Variants in ZNF804B observed in about 807,000 individuals in gnomAD.
ZNF804B encodes the protein zinc finger protein 804B.
In ZNF804B, 80 loss-of-function variants were observed where a neutral mutation model predicts 101.4. The observed-to-expected ratio is 0.79, with a 90% CI of 0.66 to 0.95. The LOEUF (loss-of-function observed/expected upper bound fraction) is 0.95. Ranked by LOEUF, ZNF804B falls within the 40% of genes least tolerant of loss-of-function variation. The pLI is 0.00. For synonymous variants in ZNF804B, 622 were observed against 558.8 expected (o/e 1.11, Z -1.59); for missense variants, 1,673 against 1,561.9 (o/e 1.07, Z -1.20).
intron 1 of ZNF804B, among the ~76,000 whole-genome samples, chr7:89,093,454 G>C (rs1562882852): frequency 6.6e-6 from 1 of 152,106 alleles, no homozygotes; most frequent in Admixed American, 6.5e-5. Context: ...ACTTCTAAAG[G>C]AGTTTTAAAA....
chr7:89,274,163 C>CTT (rs374562732), intron 2 of ZNF804B, among the ~76,000 whole-genome samples: 14 of 141,028 alleles, frequency 9.9e-5, no homozygotes, highest in Admixed American at 4.2e-4. Context: ...TTTTCTTTTT[C>CTT]TTTTTTTTTA....
At chr7:89,167,085 T>C (rs1263870403) in intron 1 of ZNF804B, among the ~76,000 whole-genome samples, 1 of 152,108 alleles carries the variant, frequency 6.6e-6, no homozygotes, top group Non-Finnish European at 1.5e-5. Flanking sequence ...CATACCTTTT[T>C]CCTTTTTATA....
intron 1 of ZNF804B, among the ~76,000 whole-genome samples, chr7:88,824,047 G>T (rs943216802): frequency 4.6e-5 from 7 of 152,158 alleles, no homozygotes; most frequent in African/African-American, 1.7e-4. Context: ...ACAATAGCCT[G>T]TGTCCTCTGG....
intron 1 of ZNF804B, among the ~76,000 whole-genome samples, chr7:89,144,550 G>C (rs1392654024): frequency 3.9e-5 from 6 of 151,916 alleles, no homozygotes; most frequent in Admixed American, 3.9e-4. Context: ...GGGGAAGGGT[G>C]ATGGACAAGG....
chr7:89,219,988 TGC>T (rs1788965214), intron 2 of ZNF804B, among the ~76,000 whole-genome samples: 1 of 145,806 alleles, frequency 6.9e-6, no homozygotes, highest in Non-Finnish European at 1.5e-5. Context: ...TACATATGTG[TGC>T]ATATATGTAT....
At chr7:89,124,689 ATGT>A (rs753519253) in intron 1 of ZNF804B, among the ~76,000 whole-genome samples, 4 of 152,292 alleles carry the variant, frequency 2.6e-5, no homozygotes, top group Admixed American at 2.6e-4. Context: ...GATTTTTGCA[ATGT>A]TGTCTGCAGG....
At chr7:88,981,979 A>G (rs1793699739) in intron 1 of ZNF804B, among the ~76,000 whole-genome samples, 1 of 151,898 alleles carries the variant, frequency 6.6e-6, no homozygotes, top group African/African-American at 2.4e-5. Flanking sequence ...ATTCTTATAA[A>G]GGAGCTTTCT....
chr7:88,795,270 CT>C (rs1322557313), intron 1 of ZNF804B, among the ~76,000 whole-genome samples: 2 of 151,896 alleles, frequency 1.3e-5, no homozygotes, highest in Admixed American at 1.3e-4. Flanking sequence ...ACAGATTGTC[CT>C]TTATAAGCCA....
intron 1 of ZNF804B, among the ~76,000 whole-genome samples, chr7:88,910,152 C>T (rs1174359757): frequency 6.6e-6 from 1 of 151,814 alleles, no homozygotes; most frequent in Non-Finnish European, 1.5e-5. Context: ...GCCTTAGGCT[C>T]CCTTAGAACA....
intron 1 of ZNF804B, among the ~76,000 whole-genome samples, chr7:89,035,482 G>A (rs1351338437): frequency 1.3e-5 from 1 of 75,716 alleles, no homozygotes; most frequent in African/African-American, 6.0e-5. Context: ...AGGAAATTAT[G>A]TGTGTGTGTG....
At chr7:89,261,420 CAA>C (rs1339049073) in intron 2 of ZNF804B, among the ~76,000 whole-genome samples, 2 of 151,760 alleles carry the variant, frequency 1.3e-5, no homozygotes, top group Non-Finnish European at 2.9e-5. Flanking sequence ...TCAAATTGTC[CAA>C]AGTCTCCCCA....
At chr7:88,949,958 A>G (rs1793192764) in intron 1 of ZNF804B, among the ~76,000 whole-genome samples, 1 of 151,924 alleles carries the variant, frequency 6.6e-6, no homozygotes, top group African/African-American at 2.4e-5. Flanking sequence ...CACAATGGCA[A>G]GTTTGCCTAA....
intron 1 of ZNF804B, among the ~76,000 whole-genome samples, chr7:88,958,015 T>G (rs1330420595): frequency 6.6e-6 from 1 of 151,422 alleles, no homozygotes; most frequent in South Asian, 2.1e-4. Context: ...ACACATTTTG[T>G]TAATGGCAGA....
intron 1 of ZNF804B, among the ~76,000 whole-genome samples, chr7:89,183,014 A>T (rs1293691773): frequency 6.6e-6 from 1 of 152,218 alleles, no homozygotes; most frequent in Non-Finnish European, 1.5e-5. Flanking sequence ...GATACAGGTT[A>T]TATGTAAAGA....
intron 1 of ZNF804B, among the ~76,000 whole-genome samples, chr7:88,882,834 A>G (rs964567980): frequency 6.6e-6 from 1 of 152,118 alleles, no homozygotes; most frequent in African/African-American, 2.4e-5. Flanking sequence ...AAGTGGGAAC[A>G]GTAGATACTG....
chr7:89,197,893 CAATT>C (rs1320874049), intron 1 of ZNF804B, among the ~76,000 whole-genome samples: 3 of 151,682 alleles, frequency 2.0e-5, no homozygotes, highest in African/African-American at 7.3e-5. Context: ...AATTATTCTT[CAATT>C]GAGTAGCAAA....
At chr7:89,017,735 C>A (rs1398566670) in intron 1 of ZNF804B, among the ~76,000 whole-genome samples, 1 of 151,948 alleles carries the variant, frequency 6.6e-6, no homozygotes, top group East Asian at 1.9e-4. Flanking sequence ...AGATTGATCA[C>A]CTTCTTGGTT....
chr7:88,905,825 C>G (rs1792461267), intron 1 of ZNF804B, among the ~76,000 whole-genome samples: 1 of 150,316 alleles, frequency 6.7e-6, no homozygotes, highest in Non-Finnish European at 1.5e-5. Flanking sequence ...GAAATAGTTT[C>G]AGTGGGACTC....
In ZNF804B at chr7:88,834,575, T is replaced by C. The variant is rs575815738; in HGVS notation, c.108+74491T>C. ...CTGAGATTTACTTTATAATGATTTATAGATTATCTTGATTGGCGTGATGGT... is the reference window on the plus strand; with the variant it reads ...CTGAGATTTACTTTATAATGATTTACAGATTATCTTGATTGGCGTGATGGT... On this transcript the variant is annotated intron_variant, in intron 1 of 3. Transcript: ENST00000333190. Among the ~76,000 whole-genome samples, 4 of 151,840 alleles carry C rather than the reference T, an allele frequency of 2.6e-5. No individual in the cohort carries two copies. The East Asian group carries it at 7.7e-4, about 29-fold the overall frequency.
Sources: gnomAD v4.1 joint callset for allele counts (sites outside exome capture counted in the v4.1 genomes callset) on GRCh38, gnomAD v4.1.1 for gene constraint, MANE v1.5 for transcripts, NCBI Gene and HGNC (gene_info 2026-07-23, HGNC 2026-07-21) for gene names.